PLCB1: variants seen among roughly 807,000 people sequenced by gnomAD.
PLCB1 encodes the protein 1-phosphatidylinositol 4,5-bisphosphate phosphodiesterase beta-1.
PLCB1 carries 46 observed loss-of-function variants against 161.8 expected under a neutral mutation model. That is an observed-to-expected ratio of 0.28 (90% CI 0.22 to 0.36). PLCB1 has a LOEUF of 0.36. Among genes scored for constraint, PLCB1 ranks in the 10% least tolerant of loss-of-function variants. The pLI is 1.00. For synonymous variants in PLCB1, 517 were observed against 503.7 expected, an observed-to-expected ratio of 1.03 and a Z score of -0.35; for missense variants, 1,016 against 1,472.5, an observed-to-expected ratio of 0.69 and a Z score of 5.07.
intron 3 of PLCB1, among the ~76,000 whole-genome samples, chr20:8,546,330 A>G (rs1278557193): frequency 8.0e-6 from 1 of 124,714 alleles, no homozygotes; most frequent in Admixed American, 7.8e-5. Context: ...AAAAAAAAAA[A>G]AAAAAAAAGA....
chr20:8,640,875 C>G (rs987768700), intron 4 of PLCB1, among the ~76,000 whole-genome samples: 3 of 152,026 alleles, frequency 2.0e-5, no homozygotes, highest in Non-Finnish European at 4.4e-5. Context: ...TTAATTTTTC[C>G]CGTGGAAGAA....
At chr20:8,145,291 T>G (rs913597926) in intron 1 of PLCB1, among the ~76,000 whole-genome samples, 1 of 152,136 alleles carries the variant, frequency 6.6e-6, no homozygotes, top group African/African-American at 2.4e-5. Flanking sequence ...GTTCTCTTCT[T>G]ATAAGGACAC....
intron 2 of PLCB1, among the ~76,000 whole-genome samples, chr20:8,270,237 C>G (rs954924245): frequency 6.6e-6 from 1 of 152,128 alleles, no homozygotes; most frequent in Non-Finnish European, 1.5e-5. Context: ...TCATCACTTT[C>G]CTAATCACAT....
intron 31 of PLCB1, among the ~76,000 whole-genome samples, chr20:8,862,902 A>C (rs1364241939): frequency 6.6e-6 from 1 of 152,202 alleles, no homozygotes; most frequent in East Asian, 1.9e-4. Flanking sequence ...AGGGAAGTAG[A>C]GAAGTGAAGC....
chr20:8,539,176 C>T (rs541513265), intron 3 of PLCB1, among the ~76,000 whole-genome samples: 5 of 152,246 alleles, frequency 3.3e-5, no homozygotes, highest in South Asian at 2.1e-4. Flanking sequence ...TTTGTCATAG[C>T]TGTAGAATAA....
intron 14 of PLCB1, among the ~76,000 whole-genome samples, chr20:8,718,194 T>C (rs974229836): frequency 1.3e-5 from 2 of 151,980 alleles, no homozygotes; most frequent in Non-Finnish European, 2.9e-5. Flanking sequence ...CACTCCAGCC[T>C]GGTGACAGAG....
In PLCB1 at chr20:8,759,896, A is replaced by ATTTTTTTTTTTTTTTT. The variant is rs3033840; in HGVS notation, c.2657-504_2657-489dup. 1.0e-4 allele frequency among the ~76,000 whole-genome samples: 8 copies of ATTTTTTTTTTTTTTTT among 78,270 alleles called. 2 individuals carry two copies. Among genetic ancestry groups the ATTTTTTTTTTTTTTTT allele is most frequent in the African/African-American group, 3.6e-4 (7 of 19,568 alleles). The allele number at this position is 78,270 out of a possible 152,430, so 51.3% of individuals were successfully genotyped here. A position where few individuals can be genotyped will look rare whatever the true frequency, so the allele number is the denominator to read the frequency against. On this transcript the variant is annotated intron_variant, in intron 24 of 31. Coordinates refer to ENST00000338037, the MANE Select transcript of PLCB1 (RefSeq NM_015192.4). ...TTATAAATGGGGCATATAATATCACATTTTTTTTTTTTTTTTTTTTTTGGA... is the reference window on the plus strand; with the variant it reads ...TTATAAATGGGGCATATAATATCACATTTTTTTTTTTTTTTTTTTTTTTTTTTTTTTTTTTTTTGGA...
At chr20:8,799,113 T>G (rs1984168557) in intron 31 of PLCB1, among the ~76,000 whole-genome samples, 1 of 152,182 alleles carries the variant, frequency 6.6e-6, no homozygotes, top group African/African-American at 2.4e-5. Flanking sequence ...CGTTGATTCC[T>G]CCCCCTTTTC....
intron 4 of PLCB1, among the ~76,000 whole-genome samples, chr20:8,639,106 G>A (rs1302387511): frequency 6.6e-6 from 1 of 152,186 alleles, no homozygotes; most frequent in Non-Finnish European, 1.5e-5. Flanking sequence ...ATTTATTAGA[G>A]AAAGTTTGAA....
chr20:8,146,098 T>A lies in PLCB1; in HGVS notation c.100-4196T>A, dbSNP rs1057104743. Among the ~76,000 whole-genome samples the A allele has an allele frequency of 4.9e-5, 5 of 102,282 alleles. No homozygotes were observed. The South Asian group carries it at 1.4e-3, about 30-fold the overall frequency. The allele number at this position is 102,282 out of a possible 152,430, so 67.1% of individuals were successfully genotyped here. ...AAAGAAATCTTCTTACTGTTTTTGT[T>A]TTTTTTGTTTTTTTTTTTTTTGGTA... On this transcript the variant is annotated intron_variant, in intron 1 of 31. Coordinates refer to ENST00000338037, the MANE Select transcript of PLCB1 (RefSeq NM_015192.4).
chr20:8,470,540 C>G (rs77202486), intron 3 of PLCB1, among the ~76,000 whole-genome samples: 1 of 152,044 alleles, frequency 6.6e-6, no homozygotes, highest in South Asian at 2.1e-4. Context: ...CATTTGCTTA[C>G]TTTGTTTTCT....
chr20:8,470,851 CTCT>C (rs1332225978), intron 3 of PLCB1, among the ~76,000 whole-genome samples: 12 of 151,138 alleles, frequency 7.9e-5, no homozygotes, highest in Admixed American at 7.9e-4. Context: ...CTTTTTTGTG[CTCT>C]TCTTTGTTTT....
In PLCB1 at chr20:8,882,593, G is replaced by A. The variant is rs1349575023; in HGVS notation, c.*744G>A. 2 of 152,584 alleles carry A rather than the reference G, an allele frequency of 1.3e-5. No homozygotes were observed. Among genetic ancestry groups the A allele is most frequent in the East Asian group, 3.9e-4 (2 of 5,184 alleles). 9.5% of individuals were successfully genotyped at this position (152,584 alleles called of 1,614,324 possible). A position where few individuals can be genotyped will look rare whatever the true frequency, so the allele number is the denominator to read the frequency against. On this transcript the variant is annotated 3_prime_UTR_variant, in exon 32 of 32. Coordinates refer to ENST00000338037, the MANE Select transcript of PLCB1 (RefSeq NM_015192.4). ...CACACTTCCAGACAGTGTGCTGTTT[G>A]AATTGACTATTTGCACTCAAAGTCT...
At chr20:8,706,366 G>A (rs1283906353) in intron 11 of PLCB1, among the ~76,000 whole-genome samples, 2 of 152,156 alleles carry the variant, frequency 1.3e-5, no homozygotes, top group Non-Finnish European at 2.9e-5. Context: ...ACGTGGGAAT[G>A]GTGATAAAAT....
chr20:8,721,631 T>C (rs76746936), intron 14 of PLCB1, among the ~76,000 whole-genome samples: 9,254 of 152,254 alleles, frequency 0.061, 774 homozygotes, highest in African/African-American at 0.19. Context: ...TTTAAGGACT[T>C]ACCCATGTTA....
intron 9 of PLCB1, among the ~76,000 whole-genome samples, chr20:8,671,973 T>C (rs1448910418): frequency 1.3e-5 from 2 of 152,246 alleles, no homozygotes; most frequent in African/African-American, 4.8e-5. Flanking sequence ...ATGCCTGGCA[T>C]GTGGTCAATG....
intron 31 of PLCB1, among the ~76,000 whole-genome samples, chr20:8,840,795 T>G (rs6086631): frequency 6.6e-6 from 1 of 152,098 alleles, no homozygotes; most frequent in Non-Finnish European, 1.5e-5. Context: ...CCCCCCTTTT[T>G]AAATTTGAAA....
At chr20:8,195,662 A>T (rs6118102) in intron 2 of PLCB1, among the ~76,000 whole-genome samples, 3,873 of 152,144 alleles carry the variant, frequency 0.025, 184 homozygotes, top group African/African-American at 0.088. Context: ...AATCAACTCA[A>T]TTTTCCCACA....
chr20:8,617,336 C>T (rs1988063241), intron 3 of PLCB1, among the ~76,000 whole-genome samples: 1 of 152,096 alleles, frequency 6.6e-6, no homozygotes, highest in African/African-American at 2.4e-5. Flanking sequence ...GTAATGAATA[C>T]TCAAAACTCA....
Sources: gnomAD v4.1 joint callset for allele counts (sites outside exome capture counted in the v4.1 genomes callset) on GRCh38, gnomAD v4.1.1 for gene constraint, MANE v1.5 for transcripts, NCBI Gene and HGNC (gene_info 2026-07-23, HGNC 2026-07-21) for gene names.